Variants in RBFOX2 observed in about 807,000 individuals in gnomAD.
RBFOX2 encodes the protein RNA binding protein fox-1 homolog 2.
Under a neutral mutation model 49.1 loss-of-function variants are expected in RBFOX2, and 10 were observed. The ratio of observed to expected loss-of-function variants is 0.20; its 90% CI spans 0.13 to 0.35. The LOEUF is 0.35. RBFOX2 is among the 10% of genes least tolerant of loss of function. The pLI, the probability that RBFOX2 is intolerant of heterozygous loss-of-function variation, is 1.00. For synonymous variants in RBFOX2, 183 were observed against 187.4 expected, an observed-to-expected ratio of 0.98 and a Z score of 0.19; for missense variants, 323 against 486.9, an observed-to-expected ratio of 0.66 and a Z score of 3.17.
exon 12 of RBFOX2, chr22:35,743,946 C>A (rs1246019913): frequency 1.4e-5 from 5 of 359,566 alleles, no homozygotes; most frequent in African/African-American, 2.2e-5. Context: ...TTTTTTTTTA[C>A]CACAGTTTAA....
At chr22:35,897,968 C>CA (rs1358670105) in intron 1 of RBFOX2, 5 of 773,014 alleles carry the variant, frequency 6.5e-6, no homozygotes, top group Admixed American at 5.8e-5. Context: ...GGAATCTTCA[C>CA]AAAAACATCC....
At chr22:35,874,332 GA>G (rs891911264) in intron 1 of RBFOX2, among the ~76,000 whole-genome samples, 12 of 149,892 alleles carry the variant, frequency 8.0e-5, no homozygotes, top group Admixed American at 3.3e-4. Context: ...ATGTTGAGCG[GA>G]AAAAAAAAAT....
chr22:35,805,637 G>A (rs1462072091), intron 2 of RBFOX2, among the ~76,000 whole-genome samples: 4 of 152,084 alleles, frequency 2.6e-5, no homozygotes, highest in Non-Finnish European at 5.9e-5. Flanking sequence ...TTTACCCCAA[G>A]AAGTTCAAAA....
intron 3 of RBFOX2, among the ~76,000 whole-genome samples, chr22:35,778,971 T>C (rs1944547570): frequency 6.6e-6 from 1 of 152,248 alleles, no homozygotes; most frequent in African/African-American, 2.4e-5. Context: ...TATAACTGTG[T>C]TACCACTTCT....
intron 1 of RBFOX2, among the ~76,000 whole-genome samples, chr22:35,932,773 C>G (rs1395196458): frequency 6.6e-6 from 1 of 152,118 alleles, no homozygotes; most frequent in Non-Finnish European, 1.5e-5. Flanking sequence ...CCCAGCTACT[C>G]AGGAGGCTGA....
chr22:36,013,626 AACACACACAC>A lies in RBFOX2; in HGVS notation c.186+14604_186+14613del, dbSNP rs547422068. Among the ~76,000 whole-genome samples the A allele has an allele frequency of 4.1e-5, 6 of 146,160 alleles. No individual in the cohort carries two copies. In the South Asian group the frequency reaches 1.3e-3, roughly 32 times the overall value. On this transcript the variant is annotated intron_variant, in intron 1 of 13. Transcript: ENST00000438146. ...TAAAACCTTCACTAAGCATCACACA[AACACACACAC>A]ACACACACACACAGAGAGAGAGAGA...
intron 1 of RBFOX2, among the ~76,000 whole-genome samples, chr22:35,971,763 A>G (rs1025703077): frequency 3.9e-5 from 6 of 152,036 alleles, no homozygotes; most frequent in African/African-American, 1.2e-4. Flanking sequence ...TTAGGTGCAT[A>G]CAATTGCAGA....
At chr22:35,820,349 C>A (rs1052172642) in intron 1 of RBFOX2, among the ~76,000 whole-genome samples, 8 of 152,192 alleles carry the variant, frequency 5.3e-5, no homozygotes, top group Admixed American at 3.9e-4. Context: ...GCTGAAAACA[C>A]CACGTACTGT....
At chr22:35,747,497 A>G (rs1933186945) in intron 9 of RBFOX2, 1 of 152,240 alleles carries the variant, frequency 6.6e-6, no homozygotes, top group South Asian at 2.1e-4. Flanking sequence ...AACTCAGTTT[A>G]GATAACTCAA....
intron 1 of RBFOX2, among the ~76,000 whole-genome samples, chr22:35,867,696 C>T (rs1184202064): frequency 6.6e-6 from 1 of 152,124 alleles, no homozygotes; most frequent in African/African-American, 2.4e-5. Context: ...TCTTTGAAAA[C>T]TATTTTATGA....
At chr22:35,792,186 G>A (rs1391389282) in intron 2 of RBFOX2, among the ~76,000 whole-genome samples, 1 of 151,510 alleles carries the variant, frequency 6.6e-6, no homozygotes, top group Non-Finnish European at 1.5e-5. Flanking sequence ...GCGTGGCAGT[G>A]GGCACCTGTA....
chr22:35,847,402 A>G (rs2041355212), intron 1 of RBFOX2, among the ~76,000 whole-genome samples: 1 of 152,202 alleles, frequency 6.6e-6, no homozygotes, highest in South Asian at 2.1e-4. Flanking sequence ...ATACTGTTCA[A>G]TCATGTCCTC....
intron 1 of RBFOX2, among the ~76,000 whole-genome samples, chr22:35,952,342 A>G (rs550311282): frequency 2.0e-5 from 3 of 152,340 alleles, no homozygotes; most frequent in South Asian, 2.1e-4. Context: ...TCTGAGTTCC[A>G]TAAGTCCTAG....
chr22:35,892,431 A>G (rs1569464219), intron 1 of RBFOX2, among the ~76,000 whole-genome samples: 5 of 152,346 alleles, frequency 3.3e-5, no homozygotes, highest in Admixed American at 1.3e-4. Flanking sequence ...ACAAGATAGC[A>G]TTCTATCTCA....
upstream of RBFOX2, chr22:35,840,645 T>C: frequency 9.5e-7 from 1 of 1,048,752 alleles, no homozygotes; most frequent in Non-Finnish European, 1.2e-6. Flanking sequence ...TGTGTGTGTG[T>C]GTGTGTGTGT....
chr22:36,002,333 G>GA (rs2058459686), intron 1 of RBFOX2, among the ~76,000 whole-genome samples: 1 of 152,022 alleles, frequency 6.6e-6, no homozygotes, highest in African/African-American at 2.4e-5. Context: ...CAAAAGACTG[G>GA]AAACGACCTA....
chr22:36,011,873 T>C (rs2058834704), intron 1 of RBFOX2, among the ~76,000 whole-genome samples: 2 of 152,186 alleles, frequency 1.3e-5, no homozygotes, highest in South Asian at 4.1e-4. Flanking sequence ...AGTCTGAGTT[T>C]ATTGTTTGTT....
Position 35,768,281 on chromosome 22 carries a change from G to T in RBFOX2, c.522C>A (p.Thr174=), listed in dbSNP as rs573361634. The stretch of plus-strand genomic sequence containing the variant: ...CCTCGATTTTACGGCCCTCTACCAC[G>T]GTGCCGTGTAATTTCTCCCTGGCCC... Residue 174 remains threonine (T), a synonymous_variant, in exon 5 of 12, where the codon ACC becomes ACA. Coordinates refer to ENST00000405409, the Ensembl canonical transcript of RBFOX2. 135 of 1,613,988 alleles carry T rather than the reference G, an allele frequency of 8.4e-5. 2 individuals are homozygous for T. The South Asian group carries it at 1.4e-3, about 17-fold the overall frequency.
chr22:35,775,081 T>C (rs566078011), intron 4 of RBFOX2, among the ~76,000 whole-genome samples: 83 of 152,314 alleles, frequency 5.4e-4, no homozygotes, highest in Admixed American at 2.2e-3. Flanking sequence ...CGCTGTAATT[T>C]TACAGTCAAC....
Sources: allele counts gnomAD v4.1 joint callset (sites outside exome capture counted in the v4.1 genomes callset), GRCh38; gene constraint gnomAD v4.1.1; transcripts MANE v1.5; gene names NCBI Gene and HGNC (gene_info 2026-07-23, HGNC 2026-07-21).